Variants in ACACB observed in about 807,000 individuals in gnomAD.
ACACB encodes the protein acetyl-CoA carboxylase beta.
A neutral mutation model predicts 278.8 loss-of-function variants in ACACB; 209 were observed. That is an observed-to-expected ratio of 0.75 (90% confidence interval 0.67 to 0.84). ACACB has a LOEUF of 0.84. Among genes scored for constraint, ACACB ranks in the 40% least tolerant of loss-of-function variants. The pLI is 0.00. For synonymous variants in ACACB, 1,174 were observed against 1,285.6 expected (o/e 0.91, Z 1.86); for missense variants, 2,850 against 3,269.0 (o/e 0.87, Z 3.13).
At chr12:109,129,244 G>C (rs2042760232) in intron 1 of ACACB, among the ~76,000 whole-genome samples, 1 of 152,180 alleles carries the variant, frequency 6.6e-6, no homozygotes, top group Admixed American at 6.5e-5. Context: ...TAGAGCAGGA[G>C]AGTGTGAGAA....
chr12:109,153,120 G>A (rs1017946693), intron 2 of ACACB, among the ~76,000 whole-genome samples: 9 of 151,946 alleles, frequency 5.9e-5, no homozygotes, highest in African/African-American at 2.2e-4. Context: ...TGGAGTAGCT[G>A]GGACTTCAGG....
intron 11 of ACACB, among the ~76,000 whole-genome samples, chr12:109,183,255 G>A (rs939761142): frequency 1.3e-5 from 2 of 151,790 alleles, no homozygotes; most frequent in African/African-American, 4.8e-5. Context: ...GGATGGTATT[G>A]GCTATTCTGG....
intron 1 of ACACB, among the ~76,000 whole-genome samples, chr12:109,128,686 A>C (rs2042745156): frequency 6.6e-6 from 1 of 151,882 alleles, no homozygotes; most frequent in South Asian, 2.1e-4. Flanking sequence ...TGGGCAGAAC[A>C]TAGCTATCTC....
At chr12:109,156,173 A>G (rs1366237995) in intron 2 of ACACB, among the ~76,000 whole-genome samples, 1 of 152,188 alleles carries the variant, frequency 6.6e-6, no homozygotes, top group East Asian at 1.9e-4. Context: ...GCAGTGTGCT[A>G]TGATCGTTCC....
intron 37 of ACACB, 41 bp from the exon 38 acceptor site, chr12:109,245,585 T>C (rs1334664682): frequency 6.2e-7 from 1 of 1,603,730 alleles, no homozygotes; most frequent in Non-Finnish European, 8.5e-7. Flanking sequence ...TCTTCCCTAC[T>C]GATGACTTCA....
Position 109,179,198 on chromosome 12 carries a change from G to T in ACACB, c.1548G>T (p.Leu516=). The T allele has an allele frequency of 6.2e-7, 1 of 1,614,122 alleles. No individual in the cohort carries two copies. Among genetic ancestry groups the T allele is most frequent in the Non-Finnish European group, 8.5e-7 (1 of 1,180,030 alleles). ...LADQYGNAVS[L]FGRDCSIQRR... is the part of the protein sequence containing the mutation. ...ACCAGTATGGGAATGCTGTGTCTCT[G>T]TTTGGTCGCGACTGCTCCATCCAGC... The change falls in exon 10 of 53, where the codon CTG becomes CTT. Residue 516 remains leucine (L), a synonymous_variant. Transcript: ENST00000338432.
At chr12:109,201,850 T>G (rs1565916161) in intron 19 of ACACB, 149 bp downstream of exon 19, 12 of 1,135,224 alleles carry the variant, frequency 1.1e-5, no homozygotes. Flanking sequence ...ACCGTGATGG[T>G]GCAGAAACAC....
chr12:109,131,400 G>A (rs1309670894), intron 1 of ACACB: 1 of 152,586 alleles, frequency 6.6e-6, no homozygotes, highest in Non-Finnish European at 1.5e-5. Context: ...CTCAAGAATG[G>A]AGCTGGTGGC....
chr12:109,153,498 A>C (rs1286660346), intron 2 of ACACB, among the ~76,000 whole-genome samples: 2 of 152,178 alleles, frequency 1.3e-5, no homozygotes, highest in Admixed American at 1.3e-4. Flanking sequence ...CACTGGGAGA[A>C]CCGCAGAGTG....
chr12:109,120,742 C>T (rs969986554), intron 1 of ACACB, among the ~76,000 whole-genome samples: 1 of 152,166 alleles, frequency 6.6e-6, no homozygotes, highest in Non-Finnish European at 1.5e-5. Flanking sequence ...CACCCACACA[C>T]GTGTGCCACA....
chr12:109,179,016 T>C (rs1250320492), intron 9 of ACACB, 72 bp from the exon 10 acceptor site: 1 of 1,422,298 alleles, frequency 7.0e-7, no homozygotes, highest in African/African-American at 1.4e-5. Flanking sequence ...TTATGTTCTC[T>C]CCTGAGAACT....
Position 109,139,422 on chromosome 12 carries a change from G to A in ACACB, c.17G>A (p.Cys6Tyr). 1 of 1,613,190 alleles carries A rather than the reference G, an allele frequency of 6.2e-7. No homozygotes were observed. The highest frequency in any genetic ancestry group is 1.1e-5 in the South Asian group (1 of 91,026). MVLLL[C>Y]LSCLIFSCLT... ...ATTTTCTGAATGGTCTTGCTTCTTTGTCTATCTTGTCTGATTTTCTCCTGT... is the reference window on the plus strand; with the variant it reads ...ATTTTCTGAATGGTCTTGCTTCTTTATCTATCTTGTCTGATTTTCTCCTGT... The change falls in exon 2 of 53, where the codon TGT becomes TAT. Residue 6 changes from cysteine (C) to tyrosine (Y), a missense_variant. This residue lies in a region of ACACB where 2,265 missense variants were observed against 2,561.3 expected (regional missense o/e 0.88). Coordinates refer to ENST00000338432, the MANE Select transcript of ACACB (RefSeq NM_001093.4).
Position 109,166,930 on chromosome 12 carries a change from C to G in ACACB, c.723C>G (p.Asp241Glu). 6.2e-7 allele frequency: 1 copy of G among 1,614,094 alleles called. No individual in the cohort carries two copies. Among genetic ancestry groups the G allele is most frequent in the Non-Finnish European group, 8.5e-7 (1 of 1,180,026 alleles). Reference sequence around the variant, plus strand: ...ACAAGAAGCTGGACCTGCACAGAGACTTTACCGTGGCTTCTCCCGCTGAGT... The same window carrying G: ...ACAAGAAGCTGGACCTGCACAGAGAGTTTACCGTGGCTTCTCCCGCTGAGT... ...REHKKLDLHR[D>E]FTVASPAEFV... Residue 241 changes from aspartate to glutamate, a missense_variant, in exon 3 of 53, where the codon GAC (aspartate) becomes GAG (glutamate). Physicochemically the swap from Asp to Glu is conservative, Grantham distance 45 (BLOSUM62 2). Around this residue, in one of 3 missense-constraint regions of ACACB, gnomAD observed 2,265 missense variants for 2,561.3 expected, o/e 0.88. Transcript: ENST00000338432.
intron 2 of ACACB, among the ~76,000 whole-genome samples, chr12:109,144,800 G>T (rs61934267): frequency 0.077 from 10,114 of 130,752 alleles, 496 homozygotes; most frequent in Non-Finnish European, 0.11. Context: ...TGTCACCCAG[G>T]CTGGAGGCTG....
At chr12:109,233,125 T>C (rs900362421) in intron 29 of ACACB, among the ~76,000 whole-genome samples, 1 of 152,108 alleles carries the variant, frequency 6.6e-6, no homozygotes, top group Non-Finnish European at 1.5e-5. Flanking sequence ...TATTTTTACC[T>C]CTCCATACCT....
chr12:109,255,457 T>C (rs2047201110), intron 44 of ACACB, among the ~76,000 whole-genome samples: 1 of 152,152 alleles, frequency 6.6e-6, no homozygotes, highest in Non-Finnish European at 1.5e-5. Context: ...GGGGGCTGCT[T>C]ATCTCAATTA....
Position 109,266,376 on chromosome 12 carries a change from A to C in ACACB, c.*14A>C, listed in dbSNP as rs1565990516. Reference sequence around the variant, plus strand: ...GCCTCCACCTGACCGTGGCCCGCCCAGCCACTCCCGGGACCACGGCAAAAG... The same window carrying C: ...GCCTCCACCTGACCGTGGCCCGCCCCGCCACTCCCGGGACCACGGCAAAAG... On this transcript the variant is annotated 3_prime_UTR_variant, in exon 53 of 53. Transcript: ENST00000338432. 6.3e-7 allele frequency: 1 copy of C among 1,594,390 alleles called. No homozygotes were observed. The highest frequency in any genetic ancestry group is 1.1e-5 in the South Asian group (1 of 89,580).
At chr12:109,229,540 A>AT (rs2046409661) in intron 28 of ACACB, among the ~76,000 whole-genome samples, 1 of 150,334 alleles carries the variant, frequency 6.7e-6, no homozygotes, top group South Asian at 2.1e-4. Flanking sequence ...TCTTTTTTTG[A>AT]TTTTTTTGAG....
chr12:109,209,382 C>T (rs1174188785), intron 21 of ACACB, 29 bp downstream of exon 21: 1 of 1,588,620 alleles, frequency 6.3e-7, no homozygotes, highest in Admixed American at 1.7e-5. Flanking sequence ...AGCCCCACCC[C>T]ACCAGGATGG....
Sources: allele counts gnomAD v4.1 joint callset (sites outside exome capture counted in the v4.1 genomes callset), GRCh38; gene constraint gnomAD v4.1.1; regional missense constraint gnomAD v4.1.1; transcripts MANE v1.5; gene names NCBI Gene and HGNC (gene_info 2026-07-23, HGNC 2026-07-21).